The following USP6 variants were observed in gnomAD, a reference collection of about 807,000 sequenced individuals.
The protein encoded by USP6 is ubiquitin carboxyl-terminal hydrolase 6.
A neutral mutation model predicts 175.7 loss-of-function variants in USP6; 128 were observed. That is an observed-to-expected ratio of 0.73 (90% confidence interval 0.63 to 0.84). USP6 has a LOEUF of 0.84. Among genes scored for constraint, USP6 ranks in the 40% least tolerant of loss-of-function variants. The pLI is 0.00. For synonymous variants in USP6, 562 were observed against 630.6 expected (o/e 0.89, Z 1.63); for missense variants, 1,498 against 1,760.3 (o/e 0.85, Z 2.67).
At chr17:5,160,064 A>G (rs1357523203) in intron 31 of USP6, among the ~76,000 whole-genome samples, 2 of 152,112 alleles carry the variant, frequency 1.3e-5, no homozygotes, top group Admixed American at 6.5e-5. Context: ...AGAAATTTTT[A>G]GAAGAGAAGT....
chr17:5,138,074 A>T (rs370400776), intron 20 of USP6, 47 bp from the exon 21 acceptor site: 4 of 1,613,300 alleles, frequency 2.5e-6, no homozygotes, highest in Non-Finnish European at 3.4e-6. Context: ...ATGAGCTGTG[A>T]CCATTCCCAG....
intron 31 of USP6, among the ~76,000 whole-genome samples, chr17:5,159,373 T>A (rs35941175): frequency 0.035 from 5,345 of 152,256 alleles, 149 homozygotes; most frequent in Middle Eastern, 0.054. Context: ...AAGTTATTGT[T>A]GGAAGAGAGA....
chr17:5,161,734 G>T, intron 32 of USP6, 120 bp downstream of exon 32: 2 of 1,180,248 alleles, frequency 1.7e-6, no homozygotes, highest in Non-Finnish European at 2.4e-6. Context: ...TAAGAACTGT[G>T]GCTGGGCACC....
intron 25 of USP6, among the ~76,000 whole-genome samples, chr17:5,143,558 A>G (rs991270061): frequency 3.3e-5 from 5 of 151,714 alleles, no homozygotes; most frequent in African/African-American, 7.3e-5. Context: ...TGAAGGCAGC[A>G]TGCTCGTTAA....
chr17:5,138,355 A>G (rs1001001014), intron 21 of USP6, 82 bp downstream of exon 21: 27 of 1,596,514 alleles, frequency 1.7e-5, no homozygotes, highest in African/African-American at 1.5e-4. Context: ...CAGCAACCCT[A>G]CTACCTGGGC....
Position 5,136,833 on chromosome 17 carries a change from G to C in USP6, c.759+99G>C. The C allele has an allele frequency of 5.2e-6, 8 of 1,529,408 alleles. No homozygotes were observed. The South Asian group carries it at 6.7e-5, about 13-fold the overall frequency. The allele number at this position is 1,529,408 out of a possible 1,614,324, so 94.7% of individuals were successfully genotyped here. A position where few individuals can be genotyped will look rare whatever the true frequency, so the allele number is the denominator to read the frequency against. ...GTCCCTTGTGGGACTGGTGACTGGCGGAGTCCCAGCTAGGGCCTGACCTGG... is the reference window on the plus strand; with the variant it reads ...GTCCCTTGTGGGACTGGTGACTGGCCGAGTCCCAGCTAGGGCCTGACCTGG... On this transcript the variant is annotated intron_variant, in intron 18 of 37. Transcript: ENST00000574788.
At chr17:5,141,273 C>G in intron 22 of USP6, 152 bp from the exon 23 acceptor site, 2 of 659,958 alleles carry the variant, frequency 3.0e-6, no homozygotes, top group Non-Finnish European at 2.7e-6. Context: ...AGAATGTAAC[C>G]TCATCATTAA....
Position 5,139,493 on chromosome 17 carries a change from G to C in USP6, c.1317G>C (p.Gln439His). 6.2e-7 allele frequency: 1 copy of C among 1,613,568 alleles called. No homozygotes were observed. The highest frequency in any genetic ancestry group is 8.5e-7 in the Non-Finnish European group (1 of 1,180,022). Residue 439 changes from glutamine (Q) to histidine (H), a missense_variant, in exon 22 of 38, where the codon CAG (glutamine) becomes CAC (histidine). Transcript: ENST00000574788. ...TQGVPSLALAQGGPQGSWRFL... is the reference protein window; with the variant it reads ...TQGVPSLALAHGGPQGSWRFL... ...GTGTGCCCAGCCTGGCCCTGGCTCA[G>C]GGAGGACCTCAGGGTTCCTGGAGAT...
intron 37 of USP6, 102 bp from the exon 38 acceptor site, chr17:5,172,703 A>G (rs2074253266): frequency 1.3e-6 from 2 of 1,503,070 alleles, no homozygotes. Context: ...ATTGGAAGCA[A>G]TCAGGTTAGT....
Position 5,168,974 on chromosome 17 carries a change from C to T in USP6, c.3436C>T (p.Gln1146Ter). The change falls in exon 35 of 38, where the codon CAG becomes TAG. Residue 1146 changes from glutamine to a stop codon, truncating the protein, a stop_gained. Transcript: ENST00000574788. LOFTEE classifies it high-confidence loss of function. ...LAREVKKVDA[Q>*]SSAGKEDMLL... ...AAGAGAGGTGAAGAAAGTGGATGCGCAGAGTTCGGCTGGAAAAGAGGACAT... is the reference window on the plus strand; with the variant it reads ...AAGAGAGGTGAAGAAAGTGGATGCGTAGAGTTCGGCTGGAAAAGAGGACAT... The T allele has an allele frequency of 6.2e-7, 1 of 1,613,988 alleles. No homozygotes were observed. Among genetic ancestry groups the T allele is most frequent in the Non-Finnish European group, 8.5e-7 (1 of 1,179,866 alleles).
In USP6 at chr17:5,132,785, G is replaced by A; in HGVS notation, c.196-125G>A. 8.1e-7 allele frequency: 1 copy of A among 1,227,548 alleles called. No homozygotes were observed. 76.0% of individuals were successfully genotyped at this position (1,227,548 alleles called of 1,614,324 possible). On this transcript the variant is annotated intron_variant, in intron 12 of 37. Transcript: ENST00000574788. The surrounding 1 kb of genome is among the most constrained non-coding windows in gnomAD (Gnocchi z 4.7). ...TGCTCAAAGGCTCTCAGCCCTTAGG[G>A]TCTGCCCTTCCCTGGCTCCTTCCAG...
chr17:5,141,404 C>T (rs1435613354), intron 22 of USP6, 21 bp from the exon 23 acceptor site: 3 of 1,583,744 alleles, frequency 1.9e-6, no homozygotes, highest in Admixed American at 3.6e-5. Flanking sequence ...GAAATTAACA[C>T]ATTCCTATCT....
rs1438243914 is a variant in USP6 at position 5,132,696 on chromosome 17, G to T, written c.196-214G>T. Among the ~76,000 whole-genome samples, 1 of 152,116 alleles carries T rather than the reference G, an allele frequency of 6.6e-6. No homozygotes were observed. Among genetic ancestry groups the T allele is most frequent in the Non-Finnish European group, 1.5e-5 (1 of 68,030 alleles). On this transcript the variant is annotated intron_variant, in intron 12 of 37. Transcript: ENST00000574788. The surrounding 1 kb of genome is among the most constrained non-coding windows in gnomAD (Gnocchi z 4.7). ...CACCTAGAGGCTGGGACCTAAGACTGGTGTGTCTGTGGCCTGAGGATGGCA... is the reference window on the plus strand; with the variant it reads ...CACCTAGAGGCTGGGACCTAAGACTTGTGTGTCTGTGGCCTGAGGATGGCA...
intron 21 of USP6, chr17:5,138,933 C>T (rs1294098178): frequency 6.3e-6 from 8 of 1,277,300 alleles, no homozygotes; most frequent in Non-Finnish European, 8.5e-6. Flanking sequence ...CATCCAAGGC[C>T]CCTCCCACTT....
chr17:5,135,020 G>C, intron 15 of USP6: 1 of 532,114 alleles, frequency 1.9e-6, no homozygotes, highest in Non-Finnish European at 3.4e-6. Context: ...AGCGTGAAAA[G>C]GATCGGTCAA....
At chr17:5,120,508 T>A in intron 2 of USP6, 119 bp from the exon 3 acceptor site, 1 of 334,480 alleles carries the variant, frequency 3.0e-6, no homozygotes, top group Non-Finnish European at 5.8e-6. Flanking sequence ...TTGGCCTATC[T>A]GTGTCTGTCT....
intron 30 of USP6, among the ~76,000 whole-genome samples, chr17:5,150,418 A>T (rs1327317994): frequency 6.6e-5 from 10 of 151,912 alleles, no homozygotes; most frequent in Admixed American, 4.6e-4. Flanking sequence ...AGTTGTAAAA[A>T]AGGTACTACT....
Position 5,145,322 on chromosome 17 carries a change from T to C in USP6, c.1993-83T>C. 8 of 1,440,012 alleles carry C rather than the reference T, an allele frequency of 5.6e-6. 1 individual carries two copies. The highest frequency in any genetic ancestry group is 3.7e-4 in the Middle Eastern group (2 of 5,398). The allele number at this position is 1,440,012 out of a possible 1,614,324, so 89.2% of individuals were successfully genotyped here. The stretch of plus-strand genomic sequence containing the variant: ...ATATTCTTTACTTTTAAATCCAATA[T>C]ATTTAACCAGTTTCTGTGAATTTAT... On this transcript the variant is annotated intron_variant, in intron 26 of 37. Coordinates refer to ENST00000574788, the MANE Select transcript of USP6 (RefSeq NM_001304284.2).
chr17:5,130,162 G>A (rs1305263960), intron 9 of USP6, 73 bp downstream of exon 9: 1 of 581,168 alleles, frequency 1.7e-6, no homozygotes, highest in Non-Finnish European at 3.1e-6. Context: ...CGAGTCCTTG[G>A]GAAGATGCCC....
Sources: allele counts gnomAD v4.1 joint callset (sites outside exome capture counted in the v4.1 genomes callset), GRCh38; gene constraint gnomAD v4.1.1; non-coding constraint Gnocchi (gnomAD v3.1); transcripts MANE v1.5; gene names NCBI Gene and HGNC (gene_info 2026-07-23, HGNC 2026-07-21).